Variants in CAPRIN1 observed in about 807,000 individuals in gnomAD.
The protein encoded by CAPRIN1 is cell cycle associated protein 1, also known as caprin-1.
In CAPRIN1, 29 loss-of-function variants were observed where a neutral mutation model predicts 100.9. The observed-to-expected ratio is 0.29, with a 90% CI of 0.21 to 0.39. The LOEUF (loss-of-function observed/expected upper bound fraction) is 0.39. Ranked by LOEUF, CAPRIN1 falls within the 10% of genes least tolerant of loss-of-function variation. CAPRIN1 has a pLI of 1.00. For synonymous variants in CAPRIN1, 338 were observed against 307.5 expected (o/e 1.10, Z -1.04); for missense variants, 795 against 876.7 (o/e 0.91, Z 1.18).
At chr11:34,063,693 A>G (rs892941628) in intron 2 of CAPRIN1, among the ~76,000 whole-genome samples, 2 of 152,188 alleles carry the variant, frequency 1.3e-5, no homozygotes, top group African/African-American at 4.8e-5. Context: ...TTTTTAATAC[A>G]CTTAGGATAC....
At chr11:34,061,310 G>C (rs1334047572) in intron 2 of CAPRIN1, among the ~76,000 whole-genome samples, 1 of 148,452 alleles carries the variant, frequency 6.7e-6, no homozygotes, top group Non-Finnish European at 1.5e-5. Flanking sequence ...AGGTTCAAGT[G>C]ATTCTCCTGC....
chr11:34,076,541 AG>A lies in CAPRIN1; in HGVS notation c.606-18del, dbSNP rs1366443876. The A allele has an allele frequency of 1.9e-6, 3 of 1,608,366 alleles. No homozygotes were observed. Among genetic ancestry groups the A allele is most frequent in the Non-Finnish European group, 2.6e-6 (3 of 1,174,860 alleles). ...GTTGACAACTGAAAGGTTATTAATT[AG>A]CTATTTACTATTAAAAGGTTGAATG... On this transcript the variant is annotated intron_variant, in intron 5 of 18. Transcript: ENST00000341394.
intron 11 of CAPRIN1, among the ~76,000 whole-genome samples, chr11:34,087,328 C>CT (rs1565095087): frequency 1.2e-4 from 11 of 94,578 alleles, no homozygotes; most frequent in East Asian, 3.0e-4. Flanking sequence ...ATATCTCTCA[C>CT]ATTTTTTTTT....
At chr11:34,065,015 A>AG (rs1211165214) in intron 2 of CAPRIN1, among the ~76,000 whole-genome samples, 6 of 126,352 alleles carry the variant, frequency 4.7e-5, no homozygotes, top group Non-Finnish European at 9.3e-5. Context: ...GCTGGAGTGC[A>AG]GGGGCGCTAT....
At position 34,099,374 on chromosome 11, in the gene CAPRIN1, T is replaced by C. The variant is rs755558777; in HGVS notation, c.*7T>C. 2 of 1,611,464 alleles carry C rather than the reference T, an allele frequency of 1.2e-6. No homozygotes were observed. The highest frequency in any genetic ancestry group is 3.3e-5 in the Admixed American group (2 of 60,014). ...CACTCAGCAAGTGAATTAATCTGAT[T>C]CACAGGATTATGTTTAATCGCCAAA... is the stretch of plus-strand genomic sequence containing the variant. On this transcript the variant is annotated 3_prime_UTR_variant, in exon 19 of 19. Coordinates refer to ENST00000341394, the MANE Select transcript of CAPRIN1 (RefSeq NM_005898.5).
intron 2 of CAPRIN1, among the ~76,000 whole-genome samples, chr11:34,060,195 C>CAA (rs1175800677): frequency 0.15 from 5,627 of 37,974 alleles, 407 homozygotes; most frequent in Non-Finnish European, 0.18. Flanking sequence ...TACTCCATCT[C>CAA]AAAAAAAAAA....
chr11:34,096,326 T>G, intron 15 of CAPRIN1, 153 bp from the exon 16 acceptor site: 3 of 571,706 alleles, frequency 5.2e-6, no homozygotes, highest in Middle Eastern at 4.6e-4. Flanking sequence ...TAAGAGACTT[T>G]ATTCATGTGT....
At chr11:34,078,396 A>G (rs529110258) in intron 6 of CAPRIN1, among the ~76,000 whole-genome samples, 19 of 152,044 alleles carry the variant, frequency 1.2e-4, no homozygotes, top group African/African-American at 4.6e-4. Context: ...GAAAGTAATA[A>G]CTCTTCATAC....
intron 2 of CAPRIN1, among the ~76,000 whole-genome samples, chr11:34,064,050 G>A (rs910292805): frequency 2.6e-5 from 4 of 152,144 alleles, no homozygotes; most frequent in East Asian, 3.9e-4. Context: ...TTACAGGTGT[G>A]AGCCACCGCG....
At chr11:34,074,957 A>G (rs980287865) in intron 4 of CAPRIN1, among the ~76,000 whole-genome samples, 3 of 152,184 alleles carry the variant, frequency 2.0e-5, no homozygotes, top group African/African-American at 7.2e-5. Context: ...AGGTGAGAGG[A>G]TCGCTTGAGG....
intron 2 of CAPRIN1, among the ~76,000 whole-genome samples, chr11:34,065,582 A>G (rs1850672810): frequency 1.3e-5 from 2 of 152,200 alleles, no homozygotes; most frequent in African/African-American, 2.4e-5. Flanking sequence ...ACGTAAACCA[A>G]CATAGGGTCT....
chr11:34,095,850 A>G (rs577942122), intron 15 of CAPRIN1: 4 of 152,348 alleles, frequency 2.6e-5, no homozygotes, highest in South Asian at 2.1e-4. Flanking sequence ...TTGAGTGCCA[A>G]TGTGAGTACC....
chr11:34,061,938 C>A (rs985492582), intron 2 of CAPRIN1, among the ~76,000 whole-genome samples: 1 of 137,652 alleles, frequency 7.3e-6, no homozygotes, highest in Non-Finnish European at 1.5e-5. Flanking sequence ...CCACTACACT[C>A]CAGCATGGGT....
intron 17 of CAPRIN1, 49 bp from the exon 18 acceptor site, chr11:34,097,649 A>G: frequency 1.2e-6 from 2 of 1,609,374 alleles, no homozygotes; most frequent in Non-Finnish European, 1.7e-6. Flanking sequence ...TAGATGGGTA[A>G]GCATTTTTTA....
chr11:34,076,898 CT>C (rs1225785099), intron 6 of CAPRIN1, among the ~76,000 whole-genome samples: 1 of 152,020 alleles, frequency 6.6e-6, no homozygotes, highest in Non-Finnish European at 1.5e-5. Context: ...CCACGCCTGG[CT>C]ATTTTTTGTA....
chr11:34,064,717 A>G lies in CAPRIN1; in HGVS notation c.217-7009A>G, dbSNP rs534311001. Among the ~76,000 whole-genome samples the G allele has an allele frequency of 5.3e-5, 8 of 152,330 alleles. No individual in the cohort carries two copies. The East Asian group carries it at 1.5e-3, about 29-fold the overall frequency. ...GAATGCAAGATTTAACAAAAGTACT[A>G]CTTACAAATGGCAGTGGTATGCCTT... On this transcript the variant is annotated intron_variant, in intron 2 of 18. Coordinates refer to ENST00000341394, the MANE Select transcript of CAPRIN1 (RefSeq NM_005898.5).
intron 2 of CAPRIN1, among the ~76,000 whole-genome samples, chr11:34,065,195 C>A (rs1303367594): frequency 6.6e-6 from 1 of 152,066 alleles, no homozygotes; most frequent in African/African-American, 2.4e-5. Context: ...ATCTCCCGAC[C>A]TCGTGATCTG....
chr11:34,097,312 C>T lies in CAPRIN1; in HGVS notation c.2001+16C>T, dbSNP rs1199786294. 1.4e-5 allele frequency: 21 copies of T among 1,553,742 alleles called. No homozygotes were observed. In the East Asian group the frequency reaches 4.7e-4, roughly 35 times the overall value. ...CTATCAACGGGTAGGTAAAGTAGTTCTAAAGTGTAAACCTGAACTAAATAT... is the reference window on the plus strand; with the variant it reads ...CTATCAACGGGTAGGTAAAGTAGTTTTAAAGTGTAAACCTGAACTAAATAT... On this transcript the variant is annotated intron_variant, in intron 17 of 18. Transcript: ENST00000341394.
rs759416318 is a variant in CAPRIN1, at chr11:34,052,399, TCTC to T, written c.1-21_1-19del. On this transcript the variant is annotated intron_variant, in intron 1 of 18. Transcript: ENST00000341394. ...TCTTGTCCTTCCTCCCGCTTTTTCT[TCTC>T]TCTCCTTGCGGTCTGAAGATGCCCT... 54 of 1,597,178 alleles carry T rather than the reference TCTC, an allele frequency of 3.4e-5. No homozygotes were observed. Among genetic ancestry groups the T allele is most frequent in the Admixed American group, 5.2e-5 (3 of 58,038 alleles).
Sources: allele counts gnomAD v4.1 joint callset (sites outside exome capture counted in the v4.1 genomes callset), GRCh38; gene constraint gnomAD v4.1.1; transcripts MANE v1.5; gene names NCBI Gene and HGNC (gene_info 2026-07-23, HGNC 2026-07-21).